The following FBXL17 variants were observed in gnomAD, a reference collection of about 807,000 sequenced individuals.
The protein encoded by FBXL17 is F-box/LRR-repeat protein 17.
Under a neutral mutation model 66.2 loss-of-function variants are expected in FBXL17, and 22 were observed. That is an observed-to-expected ratio of 0.33 (90% CI 0.24 to 0.47). FBXL17 has a LOEUF of 0.47. Ranked by LOEUF, FBXL17 falls within the 20% of genes least tolerant of loss-of-function variation. The pLI is 1.00. For synonymous variants in FBXL17, 474 were observed against 400.5 expected, an observed-to-expected ratio of 1.18 and a Z score of -2.19; for missense variants, 878 against 948.2, an observed-to-expected ratio of 0.93 and a Z score of 0.97.
intron 6 of FBXL17, among the ~76,000 whole-genome samples, chr5:108,105,906 C>T (rs1269093722): frequency 2.6e-5 from 4 of 152,026 alleles, no homozygotes; most frequent in South Asian, 2.1e-4. Flanking sequence ...GAGAGTAAAA[C>T]GGAGGGAGAC....
chr5:108,290,999 C>T (rs1758089132), intron 4 of FBXL17, among the ~76,000 whole-genome samples: 1 of 151,986 alleles, frequency 6.6e-6, no homozygotes, highest in African/African-American at 2.4e-5. Context: ...AAGTTCATAC[C>T]ACATATGCAA....
intron 7 of FBXL17, among the ~76,000 whole-genome samples, chr5:107,909,977 C>A (rs950297447): frequency 2.0e-5 from 3 of 152,108 alleles, no homozygotes; most frequent in African/African-American, 7.2e-5. Context: ...GTTCTACAAA[C>A]CTGGCTTCTT....
intron 6 of FBXL17, among the ~76,000 whole-genome samples, chr5:108,040,653 C>T (rs1747010556): frequency 6.6e-6 from 1 of 152,114 alleles, no homozygotes. Context: ...ATCCTTTCTA[C>T]ATAATTATTT....
intron 7 of FBXL17, among the ~76,000 whole-genome samples, chr5:107,991,095 G>A (rs538557965): frequency 2.6e-4 from 40 of 152,146 alleles, no homozygotes; most frequent in Non-Finnish European, 3.8e-4. Context: ...AAAACTGTAG[G>A]GGTAATGTCA....
chr5:108,096,911 A>C (rs1160488765), intron 6 of FBXL17, among the ~76,000 whole-genome samples: 1 of 152,238 alleles, frequency 6.6e-6, no homozygotes, highest in South Asian at 2.1e-4. Context: ...AGAGTGAAAG[A>C]GTGGTACACA....
chr5:108,318,553 A>T (rs550619500), intron 4 of FBXL17, among the ~76,000 whole-genome samples: 1 of 152,020 alleles, frequency 6.6e-6, no homozygotes, highest in African/African-American at 2.4e-5. Flanking sequence ...AGCATTTAAT[A>T]TCTTTCACTA....
intron 4 of FBXL17, among the ~76,000 whole-genome samples, chr5:108,307,989 T>C (rs1422251322): frequency 6.6e-6 from 1 of 152,124 alleles, no homozygotes; most frequent in Non-Finnish European, 1.5e-5. Context: ...ATATGATACA[T>C]GAACATTTTC....
chr5:108,120,141 G>T (rs1750428833), intron 6 of FBXL17, among the ~76,000 whole-genome samples: 1 of 152,140 alleles, frequency 6.6e-6, no homozygotes, highest in South Asian at 2.1e-4. Flanking sequence ...ACAAACTCTC[G>T]TGGGGAAGGG....
At chr5:107,889,315 G>A (rs578073338) in intron 7 of FBXL17, among the ~76,000 whole-genome samples, 1 of 152,236 alleles carries the variant, frequency 6.6e-6, no homozygotes, top group South Asian at 2.1e-4. Flanking sequence ...AATAAATAAG[G>A]TTATAGAAAA....
intron 7 of FBXL17, among the ~76,000 whole-genome samples, chr5:107,961,128 T>G (rs567131979): frequency 6.6e-6 from 1 of 152,176 alleles, no homozygotes; most frequent in Non-Finnish European, 1.5e-5. Context: ...AAGCAACACA[T>G]GCAAGAAGCA....
At chr5:108,324,419 TAAAC>T (rs1461787821) in intron 4 of FBXL17, among the ~76,000 whole-genome samples, 8 of 151,760 alleles carry the variant, frequency 5.3e-5, no homozygotes, top group African/African-American at 9.7e-5. Context: ...AATAAATAAA[TAAAC>T]AAACAGAAAA....
chr5:108,378,775 A>G (rs556166918), intron 1 of FBXL17, among the ~76,000 whole-genome samples: 1 of 152,370 alleles, frequency 6.6e-6, no homozygotes, highest in South Asian at 2.1e-4. Flanking sequence ...ACTATATGCC[A>G]GACACTGCAC....
chr5:108,143,928 A>T (rs187599022), intron 6 of FBXL17, among the ~76,000 whole-genome samples: 5 of 152,188 alleles, frequency 3.3e-5, no homozygotes, highest in Admixed American at 2.0e-4. Flanking sequence ...AAAAAACAAA[A>T]CAAAACTCAA....
intron 8 of FBXL17, among the ~76,000 whole-genome samples, chr5:107,862,495 A>G (rs1748152960): frequency 6.6e-6 from 1 of 152,208 alleles, no homozygotes. Flanking sequence ...GGCCTAATTA[A>G]AACTAACACC....
At position 108,381,761 on chromosome 5, in the gene FBXL17, G is replaced by T. The variant is rs1473837339; in HGVS notation, c.-70C>A. On this transcript the variant is annotated 5_prime_UTR_variant, in exon 1 of 9. Transcript: ENST00000542267. ...CCCAGAGAGGCGGGCTCCCGGCAGC[G>T]GGGCAGGCCGCTCGCTGGCTCGGCC... 1 of 1,370,800 alleles carries T rather than the reference G, an allele frequency of 7.3e-7. No individual in the cohort carries two copies. The highest frequency in any genetic ancestry group is 1.5e-5 in the African/African-American group (1 of 65,190). 84.9% of individuals were successfully genotyped at this position (1,370,800 alleles called of 1,614,324 possible).
Position 108,151,239 on chromosome 5 carries a change from C to T in FBXL17, c.1745+34878G>A, listed in dbSNP as rs528129735. ...GGACAAACTCTGATATATCTGCTTG[C>T]CTTACATTCCATAAAAAGAAAGAAA... On this transcript the variant is annotated intron_variant, in intron 6 of 8. Transcript: ENST00000542267. Among the ~76,000 whole-genome samples, 17 of 152,158 alleles carry T rather than the reference C, an allele frequency of 1.1e-4. No homozygotes were observed. The South Asian group carries it at 1.5e-3, about 13-fold the overall frequency.
intron 7 of FBXL17, among the ~76,000 whole-genome samples, chr5:107,885,277 CTT>C (rs1457278091): frequency 6.6e-6 from 1 of 152,140 alleles, no homozygotes; most frequent in Non-Finnish European, 1.5e-5. Flanking sequence ...AGTTCAGTAA[CTT>C]GTGTGTTGAT....
At chr5:108,156,656 G>T (rs1023025438) in intron 6 of FBXL17, among the ~76,000 whole-genome samples, 1 of 151,650 alleles carries the variant, frequency 6.6e-6, no homozygotes, top group African/African-American at 2.4e-5. Context: ...AAAATATTTG[G>T]TATAAATAAG....
chr5:107,976,589 G>T (rs1178232855), intron 7 of FBXL17, among the ~76,000 whole-genome samples: 1 of 152,152 alleles, frequency 6.6e-6, no homozygotes, highest in Non-Finnish European at 1.5e-5. Flanking sequence ...TAGGCTTGCA[G>T]TTTGACTATT....
Sources: allele counts gnomAD v4.1 joint callset (sites outside exome capture counted in the v4.1 genomes callset), GRCh38; gene constraint gnomAD v4.1.1; transcripts MANE v1.5; gene names NCBI Gene and HGNC (gene_info 2026-07-23, HGNC 2026-07-21).